The following SHISA6 variants were observed in gnomAD, a reference collection of about 807,000 sequenced individuals.
The protein encoded by SHISA6 is protein shisa-6.
In SHISA6, 22 loss-of-function variants were observed where a neutral mutation model predicts 47.9. The observed-to-expected ratio is 0.46, with a 90% confidence interval of 0.33 to 0.66. The LOEUF (loss-of-function observed/expected upper bound fraction) is 0.66. SHISA6 is among the 30% of genes least tolerant of loss of function. The pLI is 0.02. For synonymous variants in SHISA6, 388 were observed against 337.8 expected (o/e 1.15, Z -1.63); for missense variants, 680 against 764.6 (o/e 0.89, Z 1.30).
At chr17:11,316,596 A>G (rs1475820374) in intron 2 of SHISA6, among the ~76,000 whole-genome samples, 1 of 151,002 alleles carries the variant, frequency 6.6e-6, no homozygotes, top group Non-Finnish European at 1.5e-5. Context: ...AATTTTTTGT[A>G]TTTTTACTAG....
At chr17:11,316,266 C>G (rs934313004) in intron 2 of SHISA6, among the ~76,000 whole-genome samples, 2 of 149,578 alleles carry the variant, frequency 1.3e-5, no homozygotes, top group Non-Finnish European at 3.0e-5. Context: ...TTAGCTAAGA[C>G]CAGTTTTTCT....
chr17:11,258,618 A>C (rs1418886897), intron 1 of SHISA6, among the ~76,000 whole-genome samples: 4 of 152,228 alleles, frequency 2.6e-5, no homozygotes, highest in African/African-American at 9.6e-5. Flanking sequence ...CTGCCAGACT[A>C]CTGGGAAATG....
intron 2 of SHISA6, among the ~76,000 whole-genome samples, chr17:11,299,739 C>G (rs1909858864): frequency 6.6e-6 from 1 of 152,290 alleles, no homozygotes; most frequent in South Asian, 2.1e-4. Flanking sequence ...TCTGACCAAC[C>G]TGTGTCCACT....
intron 2 of SHISA6, among the ~76,000 whole-genome samples, chr17:11,325,255 G>A (rs1910838538): frequency 1.3e-5 from 2 of 152,196 alleles, no homozygotes. Flanking sequence ...GGGGCAGCAG[G>A]GCTTTGGCAG....
At chr17:11,285,215 A>G (rs572268281) in intron 2 of SHISA6, among the ~76,000 whole-genome samples, 24 of 152,268 alleles carry the variant, frequency 1.6e-4, no homozygotes, top group African/African-American at 3.6e-4. Flanking sequence ...AGGAACTTCA[A>G]ATGAGTTGTT....
intron 3 of SHISA6, among the ~76,000 whole-genome samples, chr17:11,533,348 G>C (rs2071753706): frequency 6.6e-6 from 1 of 152,032 alleles, no homozygotes; most frequent in South Asian, 2.1e-4. Flanking sequence ...CAGCCTTTCA[G>C]GATAAAGTCA....
intron 3 of SHISA6, among the ~76,000 whole-genome samples, chr17:11,461,289 C>G (rs1281569635): frequency 1.3e-5 from 2 of 150,492 alleles, no homozygotes; most frequent in African/African-American, 4.9e-5. Context: ...CCCAGCTACT[C>G]AGGAGGCTGA....
chr17:11,429,583 C>G (rs1368525459), intron 3 of SHISA6, among the ~76,000 whole-genome samples: 1 of 149,416 alleles, frequency 6.7e-6, no homozygotes, highest in Non-Finnish European at 1.5e-5. Context: ...GAGTTCAAGA[C>G]CAGCCTGACC....
At chr17:11,303,421 ATG>A (rs762981477) in intron 2 of SHISA6, among the ~76,000 whole-genome samples, 3 of 150,776 alleles carry the variant, frequency 2.0e-5, no homozygotes, top group African/African-American at 4.9e-5. Context: ...GGTTGTGAGC[ATG>A]TGTGTGTGGT....
intron 2 of SHISA6, among the ~76,000 whole-genome samples, chr17:11,314,856 A>G (rs150765162): frequency 2.2e-3 from 333 of 152,116 alleles, no homozygotes; most frequent in Non-Finnish European, 3.0e-3. Flanking sequence ...CGTTTTTTCA[A>G]TTGGAGCTCT....
chr17:11,472,142 G>GT (rs761178305), intron 3 of SHISA6, among the ~76,000 whole-genome samples: 5 of 152,050 alleles, frequency 3.3e-5, no homozygotes, highest in Admixed American at 6.6e-5. Flanking sequence ...TATTTACATG[G>GT]TTTTTTGTTT....
intron 1 of SHISA6, 60 bp from the exon 2 acceptor site, chr17:11,263,306 C>A: frequency 6.6e-7 from 1 of 1,523,280 alleles, no homozygotes; most frequent in Non-Finnish European, 8.9e-7. Context: ...AAGCCAACTC[C>A]CCTCATGGTT....
At chr17:11,491,064 C>T (rs1916464057) in intron 3 of SHISA6, among the ~76,000 whole-genome samples, 2 of 152,146 alleles carry the variant, frequency 1.3e-5, no homozygotes, top group Non-Finnish European at 2.9e-5. Context: ...GCCCCTTCAG[C>T]CCAGTGTCAG....
chr17:11,553,696 G>T (rs1349682065), intron 4 of SHISA6, among the ~76,000 whole-genome samples: 1 of 152,144 alleles, frequency 6.6e-6, no homozygotes, highest in Non-Finnish European at 1.5e-5. Context: ...TCTGGGCCAA[G>T]CACTATGAAG....
chr17:11,284,692 A>G (rs4791460), intron 2 of SHISA6, among the ~76,000 whole-genome samples: 147,177 of 152,304 alleles, frequency 0.97, 71,201 homozygotes, highest in East Asian at 1. Flanking sequence ...AAAATAATTC[A>G]GATGTCCCTT....
intron 2 of SHISA6, among the ~76,000 whole-genome samples, chr17:11,269,258 T>A (rs1908550416): frequency 6.6e-6 from 1 of 152,246 alleles, no homozygotes; most frequent in South Asian, 2.1e-4. Context: ...GCCAGGATGG[T>A]CTTGATCTCT....
chr17:11,482,789 T>C (rs751931833), intron 3 of SHISA6, among the ~76,000 whole-genome samples: 3 of 152,174 alleles, frequency 2.0e-5, no homozygotes, highest in Non-Finnish European at 2.9e-5. Flanking sequence ...AGAAGTAAGA[T>C]GCAATAAGTT....
At chr17:11,498,230 T>C (rs963058714) in intron 3 of SHISA6, among the ~76,000 whole-genome samples, 1 of 152,192 alleles carries the variant, frequency 6.6e-6, no homozygotes, top group African/African-American at 2.4e-5. Context: ...TTGTAGAGTG[T>C]TCACTCCTGA....
At chr17:11,337,581 G>C (rs544108504) in intron 2 of SHISA6, among the ~76,000 whole-genome samples, 1 of 152,340 alleles carries the variant, frequency 6.6e-6, no homozygotes, top group Non-Finnish European at 1.5e-5. Context: ...GCTTCTTCAT[G>C]TAAGCACAAA....
Sources: allele counts gnomAD v4.1 joint callset (sites outside exome capture counted in the v4.1 genomes callset), GRCh38; gene constraint gnomAD v4.1.1; transcripts MANE v1.5; gene names NCBI Gene and HGNC (gene_info 2026-07-23, HGNC 2026-07-21).